Variants in SYT1 observed in about 807,000 individuals in gnomAD.
SYT1 encodes synaptotagmin-1.
A neutral mutation model predicts 44.8 loss-of-function variants in SYT1; 8 were observed. That is an observed-to-expected ratio of 0.18 (90% CI 0.10 to 0.32). The LOEUF (loss-of-function observed/expected upper bound fraction) is 0.32. SYT1 is among the 10% of genes least tolerant of loss of function. The pLI, the probability that SYT1 is intolerant of heterozygous loss-of-function variation, is 1.00. For synonymous variants in SYT1, 154 were observed against 188.8 expected (o/e 0.82, Z 1.51); for missense variants, 286 against 509.3 (o/e 0.56, Z 4.22).
chr12:79,089,950 C>A (rs1877655347), intron 3 of SYT1, among the ~76,000 whole-genome samples: 1 of 152,008 alleles, frequency 6.6e-6, no homozygotes, highest in Admixed American at 6.6e-5. Flanking sequence ...GATTGCTCCC[C>A]ATGTGATTAT....
At chr12:79,286,839 G>GT (rs1248980884) in intron 5 of SYT1, among the ~76,000 whole-genome samples, 3 of 152,072 alleles carry the variant, frequency 2.0e-5, no homozygotes, top group Admixed American at 6.5e-5. Flanking sequence ...AAATTAAAAT[G>GT]TAAATGTACA....
intron 1 of SYT1, among the ~76,000 whole-genome samples, chr12:78,892,894 A>G (rs1204822505): frequency 6.6e-6 from 1 of 151,872 alleles, no homozygotes; most frequent in Non-Finnish European, 1.5e-5. Context: ...TTTCACAGAG[A>G]ACTTAAGAGA....
chr12:78,955,029 A>T (rs533752926), intron 1 of SYT1, among the ~76,000 whole-genome samples: 3 of 152,138 alleles, frequency 2.0e-5, no homozygotes, highest in African/African-American at 7.2e-5. Flanking sequence ...CCATCTGCTG[A>T]GTTCATGTGC....
At chr12:78,875,716 T>C (rs1320521414) in intron 1 of SYT1, among the ~76,000 whole-genome samples, 1 of 151,772 alleles carries the variant, frequency 6.6e-6, no homozygotes, top group African/African-American at 2.4e-5. Context: ...CTGTGTAATA[T>C]GTTTCCAGTG....
intron 3 of SYT1, among the ~76,000 whole-genome samples, chr12:79,160,414 A>G (rs1017148640): frequency 4.6e-5 from 7 of 152,196 alleles, no homozygotes; most frequent in Non-Finnish European, 1.0e-4. Context: ...GGATGAAGCC[A>G]CTTACAAAAT....
chr12:79,437,802 A>G (rs372241925), intron 9 of SYT1, among the ~76,000 whole-genome samples: 8 of 152,322 alleles, frequency 5.3e-5, no homozygotes, highest in Admixed American at 3.9e-4. Flanking sequence ...TATTGGAAGC[A>G]TAGGTTGCAT....
chr12:79,292,194 C>T, intron 6 of SYT1, 64 bp downstream of exon 6: 7 of 1,550,250 alleles, frequency 4.5e-6, no homozygotes, highest in Non-Finnish European at 5.2e-6. Flanking sequence ...GTAGAAATTG[C>T]AGCAAGATAC....
intron 2 of SYT1, among the ~76,000 whole-genome samples, chr12:79,032,059 T>C (rs1427156850): frequency 6.6e-6 from 1 of 151,210 alleles, no homozygotes; most frequent in Non-Finnish European, 1.5e-5. Flanking sequence ...GTCAGGAGCA[T>C]AGCTAGTATT....
chr12:78,894,784 G>T (rs991518739), intron 1 of SYT1, among the ~76,000 whole-genome samples: 1 of 151,604 alleles, frequency 6.6e-6, no homozygotes, highest in African/African-American at 2.4e-5. Context: ...ATGGGGAGCT[G>T]TTGGTTAACG....
At chr12:78,989,957 A>T (rs1441077147) in intron 2 of SYT1, among the ~76,000 whole-genome samples, 1 of 152,278 alleles carries the variant, frequency 6.6e-6, no homozygotes, top group East Asian at 1.9e-4. Flanking sequence ...CTACTGGAAG[A>T]AACAGATTAT....
chr12:79,123,352 T>TGTGTGTGTGTGTGTGTGTG (rs1565816421), intron 3 of SYT1, among the ~76,000 whole-genome samples: 7 of 149,800 alleles, frequency 4.7e-5, no homozygotes, highest in African/African-American at 1.0e-4. Flanking sequence ...TGTGTGTGTG[T>TGTGTGTGTGTGTGTGTGTG]TTAGCTATCA....
intron 3 of SYT1, among the ~76,000 whole-genome samples, chr12:79,166,257 A>C (rs1871217266): frequency 6.6e-6 from 1 of 152,030 alleles, no homozygotes; most frequent in African/African-American, 2.4e-5. Flanking sequence ...TGTCAGAGTC[A>C]GTCTGTCAGG....
intron 3 of SYT1, among the ~76,000 whole-genome samples, chr12:79,176,220 G>T (rs1360285597): frequency 6.6e-6 from 1 of 151,140 alleles, no homozygotes; most frequent in African/African-American, 2.4e-5. Context: ...AACCTGGGAG[G>T]CTGAGGTTTC....
At chr12:78,922,260 G>C (rs1057492384) in intron 1 of SYT1, among the ~76,000 whole-genome samples, 40 of 151,924 alleles carry the variant, frequency 2.6e-4, no homozygotes, top group South Asian at 1.7e-3. Context: ...ACCATATCCA[G>C]TACATACTAT....
intron 3 of SYT1, among the ~76,000 whole-genome samples, chr12:79,192,117 G>A (rs534714520): frequency 3.3e-5 from 5 of 152,202 alleles, no homozygotes; most frequent in South Asian, 2.1e-4. Context: ...GAAGACAAGC[G>A]TGCAAGTAAA....
At chr12:79,233,755 A>T (rs1297665032) in intron 4 of SYT1, among the ~76,000 whole-genome samples, 1 of 152,194 alleles carries the variant, frequency 6.6e-6, no homozygotes, top group East Asian at 1.9e-4. Context: ...AAGTAGTCTT[A>T]AGCACCAGTG....
rs1034694150 is a variant in SYT1, at chr12:78,982,115, C to T, written c.-84+4184C>T. Among the ~76,000 whole-genome samples the T allele has an allele frequency of 2.6e-5, 4 of 152,086 alleles. No homozygotes were observed. In the East Asian group the frequency reaches 5.8e-4, roughly 22 times the overall value. ...GAGATGGAAAAAATAGAACTATTTGCTCATGATAAAAATTCTACATTCAAA... is the reference window on the plus strand; with the variant it reads ...GAGATGGAAAAAATAGAACTATTTGTTCATGATAAAAATTCTACATTCAAA... On this transcript the variant is annotated intron_variant, in intron 2 of 10. Transcript: ENST00000261205.
intron 6 of SYT1, among the ~76,000 whole-genome samples, chr12:79,295,126 A>G (rs555085927): frequency 6.6e-6 from 1 of 152,258 alleles, no homozygotes; most frequent in South Asian, 2.1e-4. Flanking sequence ...GTGTTACTGC[A>G]TTTACAAAAT....
intron 3 of SYT1, among the ~76,000 whole-genome samples, chr12:79,082,634 G>T (rs564619305): frequency 6.6e-6 from 1 of 152,330 alleles, no homozygotes; most frequent in Non-Finnish European, 1.5e-5. Context: ...GAAGAGGATG[G>T]CTTGAATATA....
Sources: allele counts gnomAD v4.1 joint callset (sites outside exome capture counted in the v4.1 genomes callset), GRCh38; gene constraint gnomAD v4.1.1; transcripts MANE v1.5; gene names NCBI Gene and HGNC (gene_info 2026-07-23, HGNC 2026-07-21).